Variants in MPRIP observed in about 807,000 individuals in gnomAD.
MPRIP encodes the protein myosin phosphatase Rho interacting protein.
A neutral mutation model predicts 234.9 loss-of-function variants in MPRIP; 59 were observed. The ratio of observed to expected loss-of-function variants is 0.25; its 90% CI spans 0.20 to 0.31. The LOEUF (loss-of-function observed/expected upper bound fraction) is 0.31. Among genes scored for constraint, MPRIP ranks in the 10% least tolerant of loss-of-function variants. The pLI, the probability that MPRIP is intolerant of heterozygous loss-of-function variation, is 1.00. For synonymous variants in MPRIP, 1,144 were observed against 1,263.9 expected, an observed-to-expected ratio of 0.91 and a Z score of 2.01; for missense variants, 2,436 against 3,071.0, an observed-to-expected ratio of 0.79 and a Z score of 4.89.
chr17:17,127,072 T>A (rs1442082743), intron 4 of MPRIP, among the ~76,000 whole-genome samples: 1 of 152,200 alleles, frequency 6.6e-6, no homozygotes, highest in Non-Finnish European at 1.5e-5. Flanking sequence ...CTCTTTGCTC[T>A]GGCCACCTTA....
intron 12 of MPRIP, 110 bp downstream of exon 12, chr17:17,150,343 A>G (rs779158353): frequency 3.4e-5 from 26 of 765,324 alleles, no homozygotes; most frequent in Middle Eastern, 2.4e-4. Flanking sequence ...TGCAGCGTGT[A>G]TGGTCAGCAC....
intron 3 of MPRIP, chr17:17,096,828 C>A (rs1265241572): frequency 4.2e-6 from 2 of 471,144 alleles, no homozygotes; most frequent in Admixed American, 4.7e-5. Context: ...TGGATTCATT[C>A]ACCCATTGCT....
intron 5 of MPRIP, among the ~76,000 whole-genome samples, chr17:17,132,574 G>T (rs1350725635): frequency 6.6e-6 from 1 of 152,222 alleles, no homozygotes; most frequent in Non-Finnish European, 1.5e-5. Context: ...AAGAGAGCCA[G>T]CCCACGGGCT....
At chr17:17,143,418 A>C in intron 8 of MPRIP, 138 bp from the exon 9 acceptor site, 1 of 505,974 alleles carries the variant, frequency 2.0e-6, no homozygotes, top group Non-Finnish European at 3.4e-6. Flanking sequence ...CAGACTTGCT[A>C]TGGTGGCTAG....
chr17:17,109,557 A>G (rs1226561099), intron 3 of MPRIP, among the ~76,000 whole-genome samples: 5 of 152,194 alleles, frequency 3.3e-5, no homozygotes, highest in Admixed American at 6.5e-5. Flanking sequence ...AAAGATACAT[A>G]AGGATACAGA....
intron 22 of MPRIP, chr17:17,178,628 T>C (rs2046307946): frequency 6.6e-6 from 1 of 152,210 alleles, no homozygotes; most frequent in African/African-American, 2.4e-5. Flanking sequence ...TCAAAACTCC[T>C]GTGCTGGCCA....
intron 3 of MPRIP, among the ~76,000 whole-genome samples, chr17:17,082,915 A>G (rs2089498176): frequency 2.0e-5 from 3 of 152,246 alleles, no homozygotes; most frequent in Admixed American, 1.3e-4. Context: ...CTGAAAGATC[A>G]TCCTGGTTGG....
rs1174626717 is a variant in MPRIP at position 17,186,367 on chromosome 17, G to C, written c.*1473G>C. ...CCCGCCCCCAATGTGCAGAAGGGCC[G>C]GGAGCAAGGCCTGGAGTTTTCATGT... On this transcript the variant is annotated 3_prime_UTR_variant, in exon 24 of 24. Transcript: ENST00000651222. The C allele has an allele frequency of 6.6e-6, 1 of 152,132 alleles. No homozygotes were observed. The highest frequency in any genetic ancestry group is 2.4e-5 in the African/African-American group (1 of 41,408). 9.4% of individuals were successfully genotyped at this position (152,132 alleles called of 1,614,324 possible). A position where few individuals can be genotyped will look rare whatever the true frequency, so the allele number is the denominator to read the frequency against.
rs116215543 is a variant in MPRIP at position 17,089,956 on chromosome 17, G to A, written c.267+11880G>A. 6.1e-3 allele frequency among the ~76,000 whole-genome samples: 928 copies of A among 152,292 alleles called. 9 individuals are homozygous for A. The highest frequency in any genetic ancestry group is 0.021 in the African/African-American group (886 of 41,560). On this transcript the variant is annotated intron_variant, in intron 3 of 23. Coordinates refer to ENST00000651222, the MANE Select transcript of MPRIP (RefSeq NM_001364716.4). The stretch of plus-strand genomic sequence containing the variant: ...TTGAAGGTTTCCCTGACTCAAGTCA[G>A]CGTGGAAGCTGAGCCCCTCAATGTG...
intron 1 of MPRIP, among the ~76,000 whole-genome samples, chr17:17,045,040 C>T (rs1228944408): frequency 1.3e-5 from 2 of 152,208 alleles, no homozygotes; most frequent in Admixed American, 6.5e-5. Context: ...GGCCCTCCCT[C>T]TCACTCTCAT....
chr17:17,111,266 C>G lies in MPRIP; in HGVS notation c.268-15436C>G, dbSNP rs575833146. Among the ~76,000 whole-genome samples the G allele has an allele frequency of 7.2e-5, 10 of 138,292 alleles. No homozygotes were observed. The South Asian group carries it at 2.4e-3, about 33-fold the overall frequency. 90.7% of individuals were successfully genotyped at this position (138,292 alleles called of 152,430 possible). Reference sequence around the variant, plus strand: ...AAAAAAAAAAAGTACCATAGAGACTCGAAGAGAGAGGAAGCCACTGTAGGC... The same window carrying G: ...AAAAAAAAAAAGTACCATAGAGACTGGAAGAGAGAGGAAGCCACTGTAGGC... On this transcript the variant is annotated intron_variant, in intron 3 of 23. Transcript: ENST00000651222.
rs775017254 is a variant in MPRIP, at chr17:17,165,355, C to T, written c.3764C>T (p.Pro1255Leu). The T allele has an allele frequency of 4.6e-6, 6 of 1,304,170 alleles. No homozygotes were observed. The South Asian group carries it at 7.4e-5, about 16-fold the overall frequency. The allele number at this position is 1,304,170 out of a possible 1,614,324, so 80.8% of individuals were successfully genotyped here. The change falls in exon 16 of 24, where the codon CCT (proline) becomes CTT (leucine). Residue 1255 changes from proline (P) to leucine (L), a missense_variant. Coordinates refer to ENST00000651222, the MANE Select transcript of MPRIP (RefSeq NM_001364716.4). Reference protein sequence around the residue: ...PGQPVQATRAPLGLPHTRLED... With the variant: ...PGQPVQATRALLGLPHTRLED... Reference sequence around the variant, plus strand: ...CAACCAGTCCAAGCCACTAGGGCACCTCTAGGCCTCCCACACACAAGGCTC... The same window carrying T: ...CAACCAGTCCAAGCCACTAGGGCACTTCTAGGCCTCCCACACACAAGGCTC...
intron 2 of MPRIP, 200 bp from the exon 3 acceptor site, chr17:17,077,811 C>T (rs1439763280): frequency 1.8e-6 from 1 of 566,862 alleles, no homozygotes; most frequent in Non-Finnish European, 3.2e-6. Context: ...TGATTTGGGC[C>T]TGTCTCCCAG....
In MPRIP at chr17:17,164,096, C is replaced by A; in HGVS notation, c.2518-13C>A. 1 of 1,303,264 alleles carries A rather than the reference C, an allele frequency of 7.7e-7. No homozygotes were observed. The highest frequency in any genetic ancestry group is 1.0e-6 in the Non-Finnish European group (1 of 988,312). 80.7% of individuals were successfully genotyped at this position (1,303,264 alleles called of 1,614,324 possible). A position where few individuals can be genotyped will look rare whatever the true frequency, so the allele number is the denominator to read the frequency against. On this transcript the variant is annotated splice_polypyrimidine_tract_variant and intron_variant, in intron 15 of 23. Coordinates refer to ENST00000651222, the MANE Select transcript of MPRIP (RefSeq NM_001364716.4). The stretch of plus-strand genomic sequence containing the variant: ...CGAGTGTTACTAACCAGTATTTAAT[C>A]GGTTTTTTTAAGACTGAAGTGGCCG...
rs1177447201 is a variant in MPRIP at position 17,185,540 on chromosome 17, T to G, written c.*646T>G. On this transcript the variant is annotated 3_prime_UTR_variant, in exon 24 of 24. Transcript: ENST00000651222. ...CAACCATTCCTATTTTTGTTTGTTTTTTATTAAATCTTGCACAAAATCCCC... is the reference window on the plus strand; with the variant it reads ...CAACCATTCCTATTTTTGTTTGTTTGTTATTAAATCTTGCACAAAATCCCC... 4.4e-6 allele frequency: 2 copies of G among 457,078 alleles called. No homozygotes were observed. Among genetic ancestry groups the G allele is most frequent in the African/African-American group, 4.0e-5 (2 of 50,056 alleles). The allele number at this position is 457,078 out of a possible 1,614,324, so 28.3% of individuals were successfully genotyped here.
chr17:17,188,936 G>C lies in MPRIP; in HGVS notation c.*4042G>C, dbSNP rs937265021. On this transcript the variant is annotated 3_prime_UTR_variant, in exon 24 of 24. Coordinates refer to ENST00000651222, the MANE Select transcript of MPRIP (RefSeq NM_001364716.4). ...CAGCCTAATTTGGGGTGTAGGGGAA[G>C]CTCTGCTGGCCCCTGCTCCTTTGTA... 1 of 152,252 alleles carries C rather than the reference G, an allele frequency of 6.6e-6. No homozygotes were observed. The highest frequency in any genetic ancestry group is 1.5e-5 in the Non-Finnish European group (1 of 68,066). 9.4% of individuals were successfully genotyped at this position (152,252 alleles called of 1,614,324 possible).
At chr17:17,177,519 C>T (rs956688879) in intron 22 of MPRIP, 107 bp downstream of exon 22, 38 of 1,253,458 alleles carry the variant, frequency 3.0e-5, no homozygotes, top group Non-Finnish European at 4.0e-5. Context: ...CCCAGTGATG[C>T]TTGTAGACCC....
chr17:17,157,700 T>C (rs897764384), intron 13 of MPRIP, among the ~76,000 whole-genome samples: 1 of 152,040 alleles, frequency 6.6e-6, no homozygotes, highest in Non-Finnish European at 1.5e-5. Context: ...TGGTAGCGCA[T>C]GCCGGTAATC....
At chr17:17,111,338 C>A (rs1027735187) in intron 3 of MPRIP, among the ~76,000 whole-genome samples, 18 of 151,746 alleles carry the variant, frequency 1.2e-4, no homozygotes, top group African/African-American at 4.4e-4. Flanking sequence ...TGGCCTTGCC[C>A]TTGAAGGACA....
Sources: allele counts gnomAD v4.1 joint callset (sites outside exome capture counted in the v4.1 genomes callset), GRCh38; gene constraint gnomAD v4.1.1; transcripts MANE v1.5; gene names NCBI Gene and HGNC (gene_info 2026-07-23, HGNC 2026-07-21).